Variants in NOL4 observed in about 807,000 individuals in gnomAD.
NOL4 encodes the protein nucleolar protein 4.
Under a neutral mutation model 75.9 loss-of-function variants are expected in NOL4, and 17 were observed. That is an observed-to-expected ratio of 0.22 (90% CI 0.15 to 0.34). NOL4 has a LOEUF of 0.34. Among genes scored for constraint, NOL4 ranks in the 10% least tolerant of loss-of-function variants. The pLI is 1.00. For synonymous variants in NOL4, 292 were observed against 289.9 expected, an observed-to-expected ratio of 1.01 and a Z score of -0.07; for missense variants, 614 against 793.5, an observed-to-expected ratio of 0.77 and a Z score of 2.72.
chr18:33,993,280 G>T (rs2073052337), intron 6 of NOL4, among the ~76,000 whole-genome samples: 1 of 151,964 alleles, frequency 6.6e-6, no homozygotes, highest in Admixed American at 6.6e-5. Flanking sequence ...AGCTGGGTGT[G>T]ATTAGAGAAA....
intron 5 of NOL4, among the ~76,000 whole-genome samples, chr18:34,085,004 TA>T (rs1302329786): frequency 1.1e-4 from 17 of 152,136 alleles, no homozygotes; most frequent in Non-Finnish European, 4.4e-5. Flanking sequence ...TAAGAGTTTA[TA>T]AAGGCTAGCC....
intron 9 of NOL4, among the ~76,000 whole-genome samples, chr18:33,899,451 T>C (rs1254085432): frequency 1.3e-5 from 2 of 152,092 alleles, no homozygotes; most frequent in African/African-American, 2.4e-5. Context: ...CAAGCAGAAA[T>C]AGTTTGGACT....
At chr18:34,139,592 C>T (rs181056424) in intron 1 of NOL4, among the ~76,000 whole-genome samples, 65 of 152,050 alleles carry the variant, frequency 4.3e-4, no homozygotes, top group Non-Finnish European at 5.7e-4. Flanking sequence ...GTCTTGCTAG[C>T]GCTCTATCAA....
At chr18:34,073,798 TG>T (rs1443726976) in intron 5 of NOL4, among the ~76,000 whole-genome samples, 1 of 151,988 alleles carries the variant, frequency 6.6e-6, no homozygotes, top group Non-Finnish European at 1.5e-5. Context: ...ACTAGGCATT[TG>T]TTTCTTCCAG....
intron 9 of NOL4, among the ~76,000 whole-genome samples, chr18:33,942,509 A>G (rs959899775): frequency 6.6e-6 from 1 of 152,024 alleles, no homozygotes; most frequent in African/African-American, 2.4e-5. Context: ...ATATTGAAAC[A>G]TGACATGCAA....
At chr18:34,178,841 C>A (rs1301106936) in intron 1 of NOL4, among the ~76,000 whole-genome samples, 3 of 151,582 alleles carry the variant, frequency 2.0e-5, no homozygotes, top group South Asian at 2.1e-4. Flanking sequence ...GATAAACCAA[C>A]CTGTTTGGAC....
intron 10 of NOL4, among the ~76,000 whole-genome samples, chr18:33,879,006 T>C (rs922339146): frequency 6.6e-6 from 1 of 152,134 alleles, no homozygotes; most frequent in Admixed American, 6.6e-5. Flanking sequence ...TGGAGTCAAA[T>C]TATGATTTTT....
At chr18:33,875,033 T>C (rs996315536) in intron 10 of NOL4, among the ~76,000 whole-genome samples, 1 of 152,090 alleles carries the variant, frequency 6.6e-6, no homozygotes, top group African/African-American at 2.4e-5. Context: ...TCTTGATAGA[T>C]TTTGGTCTGT....
At chr18:34,032,542 T>A (rs1298309003) in intron 5 of NOL4, among the ~76,000 whole-genome samples, 1 of 152,176 alleles carries the variant, frequency 6.6e-6, no homozygotes, top group Non-Finnish European at 1.5e-5. Flanking sequence ...ACAGCTGGCA[T>A]CTATCTGCAC....
intron 1 of NOL4, among the ~76,000 whole-genome samples, chr18:34,212,443 A>C (rs549019177): frequency 1.3e-5 from 2 of 152,358 alleles, no homozygotes; most frequent in East Asian, 3.9e-4. Context: ...TGTTAATTAC[A>C]CACATGTTTT....
chr18:33,981,475 T>C (rs2071954019), intron 6 of NOL4, among the ~76,000 whole-genome samples: 1 of 151,892 alleles, frequency 6.6e-6, no homozygotes, highest in South Asian at 2.1e-4. Flanking sequence ...GGAGCAAAGA[T>C]AAAAATTACA....
intron 2 of NOL4, among the ~76,000 whole-genome samples, chr18:34,122,937 C>T (rs1009677471): frequency 1.3e-5 from 2 of 152,034 alleles, no homozygotes; most frequent in Non-Finnish European, 2.9e-5. Context: ...CTCCTTTTCA[C>T]CACTAGGGAG....
At chr18:34,064,097 C>T (rs2077171376) in intron 5 of NOL4, among the ~76,000 whole-genome samples, 1 of 151,928 alleles carries the variant, frequency 6.6e-6, no homozygotes, top group African/African-American at 2.4e-5. Context: ...ATATAACCTA[C>T]AGAATACAAT....
In NOL4 at chr18:34,088,612, A is replaced by C. The variant is rs75064016; in HGVS notation, c.772+4853T>G. Among the ~76,000 whole-genome samples, 516 of 152,154 alleles carry C rather than the reference A, an allele frequency of 3.4e-3. 5 individuals carry two copies. The highest frequency in any genetic ancestry group is 0.011 in the African/African-American group (474 of 41,542). ...CATAATAAGTCCCTTATATTCCACA[A>C]CACCTTCAAGGTGTTTTGCTTTTAC... On this transcript the variant is annotated intron_variant, in intron 5 of 10. Transcript: ENST00000261592.
intron 1 of NOL4, among the ~76,000 whole-genome samples, chr18:34,191,346 A>T (rs1375590795): frequency 6.6e-6 from 1 of 152,156 alleles, no homozygotes; most frequent in African/African-American, 2.4e-5. Flanking sequence ...ACTACATAAC[A>T]CAATAATTGA....
chr18:33,931,718 A>G (rs1038574781), intron 9 of NOL4, among the ~76,000 whole-genome samples: 1 of 152,088 alleles, frequency 6.6e-6, no homozygotes, highest in African/African-American at 2.4e-5. Flanking sequence ...TGGGTGACAG[A>G]GCAAGAATCT....
At chr18:33,987,624 G>T (rs2072563343) in intron 6 of NOL4, among the ~76,000 whole-genome samples, 1 of 152,136 alleles carries the variant, frequency 6.6e-6, no homozygotes, top group Admixed American at 6.6e-5. Flanking sequence ...CTGCAGGAAA[G>T]TATCAGTGTT....
rs544337569 is a variant in NOL4, at chr18:34,199,843, T to C, written c.264+23147A>G. 6.6e-4 allele frequency among the ~76,000 whole-genome samples: 100 copies of C among 151,978 alleles called. 1 individual carries two copies. The South Asian group carries it at 0.016, about 24-fold the overall frequency. On this transcript the variant is annotated intron_variant, in intron 1 of 10. Coordinates refer to ENST00000261592, the MANE Select transcript of NOL4 (RefSeq NM_003787.5). ...TTATTTAATTGTTCATTTAAAAATA[T>C]TGTTTCACATCAAACTCTACAGTTC...
intron 10 of NOL4, among the ~76,000 whole-genome samples, chr18:33,863,225 A>G (rs1266126820): frequency 6.6e-6 from 1 of 152,024 alleles, no homozygotes; most frequent in African/African-American, 2.4e-5. Flanking sequence ...GAACAATGAG[A>G]ACACATGGAC....
Sources: allele counts gnomAD v4.1 joint callset (sites outside exome capture counted in the v4.1 genomes callset), GRCh38; gene constraint gnomAD v4.1.1; transcripts MANE v1.5; gene names NCBI Gene and HGNC (gene_info 2026-07-23, HGNC 2026-07-21).